PDZRN4: variants seen among roughly 807,000 people sequenced by gnomAD.
PDZRN4 encodes PDZ domain containing ring finger 4.
Under a neutral mutation model 99.0 loss-of-function variants are expected in PDZRN4, and 70 were observed. That is an observed-to-expected ratio of 0.71 (90% CI 0.58 to 0.86). The LOEUF (loss-of-function observed/expected upper bound fraction) is 0.86. Among genes scored for constraint, PDZRN4 ranks in the 40% least tolerant of loss-of-function variants. The probability of loss-of-function intolerance (pLI) is 0.00; values close to 1 mark genes in which losing one functional copy is unlikely to be tolerated. For missense variants in PDZRN4, 1,474 were observed against 1,331.2 expected, an observed-to-expected ratio of 1.11 and a Z score of -1.67; for synonymous variants, 551 against 501.6, an observed-to-expected ratio of 1.10 and a Z score of -1.32.
At chr12:41,547,205 G>A (rs75012304) in intron 5 of PDZRN4, among the ~76,000 whole-genome samples, 11 of 152,112 alleles carry the variant, frequency 7.2e-5, no homozygotes, top group Non-Finnish European at 1.0e-4. Flanking sequence ...GTGTCTTCCT[G>A]GTTTCCTTCT....
rs115097350 is a variant in PDZRN4 at position 41,248,011 on chromosome 12, C to T, written c.843+53823C>T. 5.7e-3 allele frequency among the ~76,000 whole-genome samples: 863 copies of T among 152,278 alleles called. 4 individuals are homozygous for T. The highest frequency in any genetic ancestry group is 0.011 in the African/African-American group (466 of 41,572). ...GTTGTTTTAGGCAGTCATGGCGAAA[C>T]GGGAAATGACTTGCACAGAGCAGGC... On this transcript the variant is annotated intron_variant, in intron 3 of 9. Transcript: ENST00000402685.
At chr12:41,377,645 C>T (rs1411365850) in intron 3 of PDZRN4, among the ~76,000 whole-genome samples, 1 of 151,768 alleles carries the variant, frequency 6.6e-6, no homozygotes, top group African/African-American at 2.4e-5. Flanking sequence ...GCCTGGTCAA[C>T]AGAGTGAGAC....
intron 5 of PDZRN4, among the ~76,000 whole-genome samples, chr12:41,549,692 T>A (rs1005075178): frequency 2.6e-5 from 4 of 152,122 alleles, no homozygotes; most frequent in East Asian, 1.9e-4. Context: ...CCTGATGGGG[T>A]CACATGTTAA....
At chr12:41,235,764 C>T (rs1204451043) in intron 3 of PDZRN4, among the ~76,000 whole-genome samples, 1 of 152,218 alleles carries the variant, frequency 6.6e-6, no homozygotes, top group Non-Finnish European at 1.5e-5. Context: ...AATCAGTTTA[C>T]AACCTTTGAT....
chr12:41,304,122 G>A (rs1951554195), intron 3 of PDZRN4, among the ~76,000 whole-genome samples: 1 of 152,192 alleles, frequency 6.6e-6, no homozygotes, highest in Non-Finnish European at 1.5e-5. Context: ...TAGAGAAAGA[G>A]AGGAAATGCA....
chr12:41,278,888 T>C (rs1387502279), intron 3 of PDZRN4, among the ~76,000 whole-genome samples: 1 of 152,196 alleles, frequency 6.6e-6, no homozygotes, highest in Non-Finnish European at 1.5e-5. Flanking sequence ...TGCATAGTGA[T>C]GGAGCCCCTA....
rs187459318 is a variant in PDZRN4, at chr12:41,357,134, C to T, written c.844-149322C>T. On this transcript the variant is annotated intron_variant, in intron 3 of 9. Coordinates refer to ENST00000402685, the MANE Select transcript of PDZRN4 (RefSeq NM_001164595.2). ...CTAGAAAGATTTACATTAACTTCCC[C>T]TCTCTCTGTCTCTTTCTCTCTCTGC... Among the ~76,000 whole-genome samples, 4 of 151,854 alleles carry T rather than the reference C, an allele frequency of 2.6e-5. No individual in the cohort carries two copies. In the East Asian group the frequency reaches 7.8e-4, roughly 30 times the overall value.
intron 5 of PDZRN4, among the ~76,000 whole-genome samples, chr12:41,535,578 G>A (rs1460853119): frequency 1.3e-5 from 2 of 152,166 alleles, no homozygotes; most frequent in Non-Finnish European, 2.9e-5. Flanking sequence ...CAAAAAGCAT[G>A]TGTTGGAAAT....
rs539005475 is a variant in PDZRN4, at chr12:41,188,859, C to G, written c.404C>G (p.Pro135Arg). Residue 135 changes from proline (P) to arginine (R), a missense_variant, in exon 1 of 10, where the codon CCG becomes CGG. Transcript: ENST00000402685. ...GEVPARGGCG[P>R]TPRAGRGGGA... ...GTGCCCGCGCGGGGGGGCTGCGGTC[C>G]GACACCCAGGGCTGGCCGGGGCGGG... 44 of 1,243,472 alleles carry G rather than the reference C, an allele frequency of 3.5e-5. No individual in the cohort carries two copies. The highest frequency in any genetic ancestry group is 4.1e-5 in the Non-Finnish European group (41 of 993,450). 77.0% of individuals were successfully genotyped at this position (1,243,472 alleles called of 1,614,324 possible).
chr12:41,319,806 G>A (rs1029823029), intron 3 of PDZRN4, among the ~76,000 whole-genome samples: 4 of 152,194 alleles, frequency 2.6e-5, no homozygotes, highest in African/African-American at 9.7e-5. Flanking sequence ...TCTCACCTGC[G>A]ACTGTGTGGT....
chr12:41,238,313 A>T (rs548589836), intron 3 of PDZRN4, among the ~76,000 whole-genome samples: 12 of 152,248 alleles, frequency 7.9e-5, no homozygotes, highest in Middle Eastern at 3.4e-3. Context: ...AATGTTTTGC[A>T]CATCGATTTT....
At chr12:41,342,801 T>G (rs1337951833) in intron 3 of PDZRN4, among the ~76,000 whole-genome samples, 10 of 151,754 alleles carry the variant, frequency 6.6e-5, no homozygotes, top group Non-Finnish European at 1.5e-5. Flanking sequence ...GAGATGGAGT[T>G]TTCTCAAAAA....
At chr12:41,355,466 G>A (rs1951920648) in intron 3 of PDZRN4, among the ~76,000 whole-genome samples, 1 of 151,946 alleles carries the variant, frequency 6.6e-6, no homozygotes, top group Non-Finnish European at 1.5e-5. Flanking sequence ...ACAATGAGAA[G>A]GAAATCACCT....
At chr12:41,438,969 C>G (rs1952654839) in intron 3 of PDZRN4, among the ~76,000 whole-genome samples, 1 of 152,192 alleles carries the variant, frequency 6.6e-6, no homozygotes, top group Non-Finnish European at 1.5e-5. Context: ...CATGGCACAG[C>G]AGTAGCCAAG....
intron 3 of PDZRN4, among the ~76,000 whole-genome samples, chr12:41,365,136 A>G (rs1046455410): frequency 4.6e-5 from 7 of 152,210 alleles, no homozygotes; most frequent in Admixed American, 4.6e-4. Context: ...AATTTGTGTC[A>G]GGTTTTTCTG....
intron 3 of PDZRN4, among the ~76,000 whole-genome samples, chr12:41,235,271 A>G (rs1209484147): frequency 6.6e-6 from 1 of 152,134 alleles, no homozygotes; most frequent in Non-Finnish European, 1.5e-5. Context: ...CACCTGATGT[A>G]TTATTGTGCC....
At chr12:41,472,292 G>T (rs2253634) in intron 3 of PDZRN4, among the ~76,000 whole-genome samples, 83,184 of 151,756 alleles carry the variant, frequency 0.55, 23,890 homozygotes, top group African/African-American at 0.74. Flanking sequence ...CATGAGCCAC[G>T]GCGCCTGGCC....
intron 3 of PDZRN4, among the ~76,000 whole-genome samples, chr12:41,313,254 A>T (rs913282968): frequency 6.6e-6 from 1 of 152,032 alleles, no homozygotes; most frequent in Non-Finnish European, 1.5e-5. Context: ...CTGCATCACC[A>T]TCCTTCATCT....
At chr12:41,447,884 C>G (rs1952742628) in intron 3 of PDZRN4, among the ~76,000 whole-genome samples, 1 of 149,638 alleles carries the variant, frequency 6.7e-6, no homozygotes, top group South Asian at 2.1e-4. Flanking sequence ...CAATAAGTAT[C>G]TCATAAAGAA....
Sources: allele counts gnomAD v4.1 joint callset (sites outside exome capture counted in the v4.1 genomes callset), GRCh38; gene constraint gnomAD v4.1.1; transcripts MANE v1.5; gene names NCBI Gene and HGNC (gene_info 2026-07-23, HGNC 2026-07-21).